Variants in BLTP1 observed in about 807,000 individuals in gnomAD.
BLTP1 encodes bridge-like lipid transfer protein family member 1.
the BLTP1 span, among the ~76,000 whole-genome samples, chr4:122,156,959 T>A: frequency 6.6e-6 from 1 of 152,190 alleles, no homozygotes; most frequent in Non-Finnish European, 1.5e-5. Context: ...ACAAAGTTTA[T>A]GCAGGAGACT....
chr4:122,238,457 T>C, the BLTP1 span: 3 of 807,484 alleles, frequency 3.7e-6, no homozygotes, highest in Non-Finnish European at 6.0e-6. Flanking sequence ...CTTTAGAAAA[T>C]TGTTACCTGT....
chr4:122,187,882 T>TC, the BLTP1 span: 1 of 1,553,074 alleles, frequency 6.4e-7, no homozygotes, highest in East Asian at 2.3e-5. Context: ...TCTGTTTATT[T>TC]TTTTTTTTTT....
chr4:122,300,994 G>A, the BLTP1 span: 1 of 982,042 alleles, frequency 1.0e-6, no homozygotes, highest in African/African-American at 1.8e-5. Context: ...ATTATTAGTT[G>A]AAGAAATTAG....
chr4:122,187,425 T>C, the BLTP1 span: 1 of 1,610,888 alleles, frequency 6.2e-7, no homozygotes, highest in Non-Finnish European at 8.5e-7. Flanking sequence ...TATTTTTTCT[T>C]GTTAGAGTTA....
At chr4:122,313,351 A>G in the BLTP1 span, among the ~76,000 whole-genome samples, 2 of 152,150 alleles carry the variant, frequency 1.3e-5, no homozygotes, top group African/African-American at 2.4e-5. Flanking sequence ...TGTCACTCAA[A>G]TAAGGAAATC....
At chr4:122,260,774 G>A in the BLTP1 span, among the ~76,000 whole-genome samples, 11 of 151,960 alleles carry the variant, frequency 7.2e-5, no homozygotes, top group African/African-American at 1.5e-4. Flanking sequence ...GTCTAAGAAC[G>A]TTCTTTGCAG....
chr4:122,237,462 AATG>A, the BLTP1 span: 1 of 661,354 alleles, frequency 1.5e-6, no homozygotes, highest in Non-Finnish European at 1.9e-6. Flanking sequence ...GTGAATGAAA[AATG>A]ATACAGTCCC....
chr4:122,325,880 C>A, the BLTP1 span: 55 of 1,176,360 alleles, frequency 4.7e-5, no homozygotes, highest in East Asian at 3.0e-3. Context: ...TGGGGAAGTA[C>A]ACCACAATCC....
chr4:122,254,739 A>G, the BLTP1 span: 7 of 1,416,952 alleles, frequency 4.9e-6, no homozygotes, highest in East Asian at 1.3e-4. Flanking sequence ...TACAGTAGGT[A>G]TGGGAGATTG....
At chr4:122,339,112 TTTC>T in the BLTP1 span, 10 of 1,373,798 alleles carry the variant, frequency 7.3e-6, no homozygotes, top group Non-Finnish European at 8.9e-6. Flanking sequence ...AAAAAAAATG[TTTC>T]TTAAGTTTAT....
chr4:122,333,913 A>C, the BLTP1 span: 1 of 1,397,688 alleles, frequency 7.2e-7, no homozygotes, highest in African/African-American at 1.5e-5. Context: ...AATGAGACTT[A>C]GTGACTTCTT....
the BLTP1 span, chr4:122,245,166 A>G: frequency 3.8e-6 from 6 of 1,564,344 alleles, no homozygotes; most frequent in East Asian, 6.7e-5. Flanking sequence ...TTCAATGGGC[A>G]TAGCAAATTG....
chr4:122,347,556 G>A, the BLTP1 span: 1 of 1,613,544 alleles, frequency 6.2e-7, no homozygotes. Context: ...CCATTGAAGG[G>A]GTAAGCCAAC....
At chr4:122,308,029 A>T in the BLTP1 span, 2 of 1,613,466 alleles carry the variant, frequency 1.2e-6, no homozygotes, top group Non-Finnish European at 1.7e-6. Context: ...GGATATTCAT[A>T]TGGCTACAAA....
the BLTP1 span, among the ~76,000 whole-genome samples, chr4:122,211,396 TAGAC>T: frequency 1.3e-5 from 2 of 151,568 alleles, no homozygotes; most frequent in African/African-American, 2.4e-5. Context: ...ATAGCTAGGA[TAGAC>T]AGATATATGG....
the BLTP1 span, among the ~76,000 whole-genome samples, chr4:122,268,774 C>A: frequency 6.6e-6 from 1 of 152,140 alleles, no homozygotes; most frequent in African/African-American, 2.4e-5. Flanking sequence ...GGAGGCAACA[C>A]AAGTAACTAC....
At chr4:122,183,553 GC>G in the BLTP1 span, 1 of 981,334 alleles carries the variant, frequency 1.0e-6, no homozygotes, top group Non-Finnish European at 1.2e-6. Flanking sequence ...ACTTATTTGG[GC>G]CCCAGTTAAC....
the BLTP1 span, among the ~76,000 whole-genome samples, chr4:122,290,173 A>T: frequency 6.6e-6 from 1 of 152,180 alleles, no homozygotes; most frequent in Non-Finnish European, 1.5e-5. Flanking sequence ...TCAGGAAGCT[A>T]CTTAATGATC....
chr4:122,180,075 G>A, the BLTP1 span: 1 of 975,802 alleles, frequency 1.0e-6, no homozygotes, highest in South Asian at 4.7e-5. Flanking sequence ...CACACACACG[G>A]CTTCTTTAAA....
Sources: allele counts gnomAD v4.1 joint callset (sites outside exome capture counted in the v4.1 genomes callset), GRCh38; gene constraint gnomAD v4.1.1; transcripts MANE v1.5; gene names NCBI Gene and HGNC (gene_info 2026-07-23, HGNC 2026-07-21).